Variants in SLC27A1 observed in about 807,000 individuals in gnomAD.
SLC27A1 encodes the protein solute carrier family 27 member 1.
Under a neutral mutation model 62.2 loss-of-function variants are expected in SLC27A1, and 61 were observed. The ratio of observed to expected loss-of-function variants is 0.98; its 90% CI spans 0.80 to 1.21. SLC27A1 has a LOEUF of 1.21. SLC27A1 is among the 50% of genes most tolerant of loss of function. The pLI is 0.00. For synonymous variants in SLC27A1, 435 were observed against 408.6 expected, an observed-to-expected ratio of 1.06 and a Z score of -0.78; for missense variants, 903 against 932.1, an observed-to-expected ratio of 0.97 and a Z score of 0.41.
At chr19:17,499,571 TGAG>T (rs2075386846) in intron 7 of SLC27A1, among the ~76,000 whole-genome samples, 1 of 151,236 alleles carries the variant, frequency 6.6e-6, no homozygotes, top group Non-Finnish European at 1.5e-5. Flanking sequence ...TTTGGGAGGC[TGAG>T]GTGGGTGGAT....
chr19:17,480,548 T>TTTC (rs2075167285), intron 1 of SLC27A1, among the ~76,000 whole-genome samples: 1 of 145,990 alleles, frequency 6.8e-6, no homozygotes. Flanking sequence ...TTTCTTTTTT[T>TTTC]TTTTTTTTTT....
intron 1 of SLC27A1, among the ~76,000 whole-genome samples, chr19:17,480,541 C>CTTTTTTTTTT (rs3079223): frequency 3.6e-5 from 4 of 111,776 alleles, no homozygotes; most frequent in Non-Finnish European, 3.4e-5. Flanking sequence ...TAATTTTTTT[C>CTTTTTTTTTT]TTTTTTTTTT....
In SLC27A1 at chr19:17,486,985, G is replaced by A; in HGVS notation, c.562+28G>A. ...GAGGCCAGGCGTGGGCATCAGGTGG[G>A]CGGGGACCCAGGACTGGCCCCTGGG... On this transcript the variant is annotated intron_variant, in intron 2 of 11. Transcript: ENST00000252595. This position sits in a 1 kb window ranked among gnomAD's most constrained non-coding sequence, Gnocchi z 6.6. The A allele has an allele frequency of 1.3e-6, 2 of 1,549,958 alleles. No homozygotes were observed. Among genetic ancestry groups the A allele is most frequent in the South Asian group, 2.4e-5 (2 of 82,930 alleles).
At chr19:17,481,528 G>A (rs62126781) in intron 1 of SLC27A1, among the ~76,000 whole-genome samples, 21,814 of 151,792 alleles carry the variant, frequency 0.14, 1,785 homozygotes, top group Non-Finnish European at 0.19. Context: ...TCTGAGATAG[G>A]GTCTCACTCC....
chr19:17,471,815 T>C (rs1176225259), intron 1 of SLC27A1, among the ~76,000 whole-genome samples: 1 of 152,130 alleles, frequency 6.6e-6, no homozygotes, highest in African/African-American at 2.4e-5. Flanking sequence ...GATGTGGAAA[T>C]CTGACTGTGC....
rs747968946 is a variant in SLC27A1 at position 17,497,353 on chromosome 19, G to T, written c.1095G>T (p.Gly365=). 1.2e-6 allele frequency: 2 copies of T among 1,602,248 alleles called. No individual in the cohort carries two copies. The change falls in exon 7 of 12, where the codon GGG becomes GGT. Residue 365 remains glycine, a synonymous_variant. Transcript: ENST00000252595. ...RHRVRLAVGN[G]LRPAIWEEFT... is the part of the protein sequence containing the mutation. ...GCGTGCGCCTGGCGGTGGGGAACGG[G>T]CTGCGTCCTGCCATCTGGGAGGAGT...
Position 17,486,572 on chromosome 19 carries a change from T to A in SLC27A1, c.177T>A (p.Ser59=). 1 of 1,586,828 alleles carries A rather than the reference T, an allele frequency of 6.3e-7. No individual in the cohort carries two copies. Among genetic ancestry groups the A allele is most frequent in the Non-Finnish European group, 8.5e-7 (1 of 1,174,506 alleles). Residue 59 remains serine, a synonymous_variant, in exon 2 of 12, where the codon TCT becomes TCA. Coordinates refer to ENST00000252595, the MANE Select transcript of SLC27A1 (RefSeq NM_198580.3). The surrounding 1 kb of genome is among the most constrained non-coding windows in gnomAD (Gnocchi z 6.6). ...KTARRDLFGL[S]VLIRVRLELR... ...CCGTCCTCCCTCCCAGCGGTCTCTCTGTGCTGATCCGCGTGCGCCTGGAGC... is the reference window on the plus strand; with the variant it reads ...CCGTCCTCCCTCCCAGCGGTCTCTCAGTGCTGATCCGCGTGCGCCTGGAGC...
intron 6 of SLC27A1, among the ~76,000 whole-genome samples, chr19:17,493,003 G>T (rs1270117989): frequency 1.3e-5 from 2 of 151,106 alleles, no homozygotes; most frequent in African/African-American, 4.9e-5. Flanking sequence ...GGCACCTGTA[G>T]TCCCAGCTAT....
chr19:17,495,789 G>A (rs1466167746), intron 6 of SLC27A1: 1 of 152,236 alleles, frequency 6.6e-6, no homozygotes, highest in Admixed American at 6.6e-5. Flanking sequence ...GGGCCTCAGT[G>A]CCTTCATCTC....
Position 17,504,903 on chromosome 19 carries a change from T to A in SLC27A1, c.*291T>A. Reference sequence around the variant, plus strand: ...TTTTTCTTTTCTTTCTTTCTTTCTTTTTTTTTTAAGATAGAGTCTCACTCT... The same window carrying A: ...TTTTTCTTTTCTTTCTTTCTTTCTTATTTTTTTAAGATAGAGTCTCACTCT... On this transcript the variant is annotated 3_prime_UTR_variant, in exon 12 of 12. Transcript: ENST00000252595. 1 of 560,340 alleles carries A rather than the reference T, an allele frequency of 1.8e-6. No homozygotes were observed. The highest frequency in any genetic ancestry group is 3.4e-6 in the Non-Finnish European group (1 of 296,074). 34.7% of individuals were successfully genotyped at this position (560,340 alleles called of 1,614,324 possible).
At chr19:17,479,395 C>T (rs745594564) in intron 1 of SLC27A1, among the ~76,000 whole-genome samples, 1 of 152,266 alleles carries the variant, frequency 6.6e-6, no homozygotes, top group South Asian at 2.1e-4. Flanking sequence ...GTTTGAGCCC[C>T]GTTAGTCATC....
At chr19:17,483,200 G>A (rs1399389880) in intron 1 of SLC27A1, among the ~76,000 whole-genome samples, 1 of 152,202 alleles carries the variant, frequency 6.6e-6, no homozygotes, top group Admixed American at 6.5e-5. Context: ...TGGTGGCTCT[G>A]CACAAGGCTT....
intron 7 of SLC27A1, 121 bp downstream of exon 7, chr19:17,497,585 C>T (rs181899138): frequency 6.1e-5 from 55 of 899,468 alleles, no homozygotes; most frequent in Non-Finnish European, 8.7e-5. Context: ...TCCGCCAAGG[C>T]GCACGCAGGG....
At chr19:17,497,567 C>A in intron 7 of SLC27A1, 103 bp downstream of exon 7, 1 of 1,086,828 alleles carries the variant, frequency 9.2e-7, no homozygotes. Context: ...TGGACTGGCG[C>A]GGAAGGCTCC....
At chr19:17,485,467 T>C (rs1246736975) in intron 1 of SLC27A1, among the ~76,000 whole-genome samples, 1 of 150,888 alleles carries the variant, frequency 6.6e-6, no homozygotes, top group Non-Finnish European at 1.5e-5. Flanking sequence ...GGATTACAGG[T>C]GTGAGCCACC....
chr19:17,476,306 C>T (rs1335514180), intron 1 of SLC27A1, among the ~76,000 whole-genome samples: 1 of 152,002 alleles, frequency 6.6e-6, no homozygotes, highest in South Asian at 2.1e-4. Context: ...GAGGCTGAGG[C>T]GGGCTGATCA....
intron 1 of SLC27A1, among the ~76,000 whole-genome samples, chr19:17,482,009 TGG>T (rs1314562151): frequency 6.6e-6 from 1 of 152,128 alleles, no homozygotes; most frequent in Non-Finnish European, 1.5e-5. Flanking sequence ...CCTGCAGGAT[TGG>T]AACCTGATCT....
chr19:17,488,277 T>A (rs1047886581), intron 4 of SLC27A1, among the ~76,000 whole-genome samples: 3 of 152,200 alleles, frequency 2.0e-5, no homozygotes, highest in Admixed American at 6.5e-5. Flanking sequence ...GAGAATCGCT[T>A]GAACCCAGAG....
chr19:17,501,130 T>C, intron 10 of SLC27A1, 143 bp from the exon 11 acceptor site: 1 of 1,290,528 alleles, frequency 7.7e-7, no homozygotes, highest in Non-Finnish European at 1.1e-6. Flanking sequence ...CTCCACAAAA[T>C]GTGTGGCTGC....
Sources: gnomAD v4.1 joint callset for allele counts (sites outside exome capture counted in the v4.1 genomes callset) on GRCh38, gnomAD v4.1.1 for gene constraint, Gnocchi (gnomAD v3.1) non-coding constraint, MANE v1.5 for transcripts, NCBI Gene and HGNC (gene_info 2026-07-23, HGNC 2026-07-21) for gene names.